PDE6D: variants seen among roughly 807,000 people sequenced by gnomAD.
PDE6D encodes the protein retinal rod rhodopsin-sensitive cGMP 3',5'-cyclic phosphodiesterase subunit delta.
PDE6D carries 10 observed loss-of-function variants against 21.9 expected under a neutral mutation model. The ratio of observed to expected loss-of-function variants is 0.46; its 90% confidence interval spans 0.28 to 0.78. The LOEUF (loss-of-function observed/expected upper bound fraction) is 0.78, where lower values mean the gene tolerates loss of function less well. PDE6D is among the 30% of genes least tolerant of loss of function. The probability of loss-of-function intolerance (pLI) is 0.12; values close to 1 mark genes in which losing one functional copy is unlikely to be tolerated. For missense variants in PDE6D, 139 were observed against 184.8 expected (o/e 0.75, Z 1.44); for synonymous variants, 59 against 63.5 (o/e 0.93, Z 0.34).
chr2:231,775,485 G>GTTTTTTT (rs145491718), intron 1 of PDE6D, among the ~76,000 whole-genome samples: 1 of 140,954 alleles, frequency 7.1e-6, no homozygotes. Flanking sequence ...ATTTTTGTGT[G>GTTTTTTT]TGTTTTTTTT....
At chr2:231,747,273 T>TA (rs1225717134) in intron 1 of PDE6D, among the ~76,000 whole-genome samples, 1 of 152,200 alleles carries the variant, frequency 6.6e-6, no homozygotes, top group Admixed American at 6.5e-5. Context: ...GTATTTTTAG[T>TA]AGAGACGGGG....
At chr2:231,773,347 A>C (rs2049029792) in intron 1 of PDE6D, among the ~76,000 whole-genome samples, 2 of 152,176 alleles carry the variant, frequency 1.3e-5, no homozygotes, top group Non-Finnish European at 1.5e-5. Context: ...ACCAATCACA[A>C]TCTACATGAA....
At position 231,732,840 on chromosome 2, in the gene PDE6D, G is replaced by T; in HGVS notation, c.*112C>A. On this transcript the variant is annotated 3_prime_UTR_variant, in exon 5 of 5. Coordinates refer to ENST00000287600, the MANE Select transcript of PDE6D (RefSeq NM_002601.4). ...GTGGCTGCAGGTAGGTTCTGCTGTT[G>T]AGGGAATTAGGGGTGTATGTGTCAA... 1 of 721,602 alleles carries T rather than the reference G, an allele frequency of 1.4e-6. No homozygotes were observed. 44.7% of individuals were successfully genotyped at this position (721,602 alleles called of 1,614,324 possible). A position where few individuals can be genotyped will look rare whatever the true frequency, so the allele number is the denominator to read the frequency against.
At position 231,781,206 on chromosome 2, in the gene PDE6D, C is replaced by T; in HGVS notation, c.-92G>A. On this transcript the variant is annotated 5_prime_UTR_variant, in exon 1 of 5. Coordinates refer to ENST00000287600, the MANE Select transcript of PDE6D (RefSeq NM_002601.4). Reference sequence around the variant, plus strand: ...AGCCGAGGATGGAGCCGCAGCCCGGCTTGGAGACCTCGGGCTAGCAGCCGC... The same window carrying T: ...AGCCGAGGATGGAGCCGCAGCCCGGTTTGGAGACCTCGGGCTAGCAGCCGC... The T allele has an allele frequency of 7.8e-7, 1 of 1,278,690 alleles. No homozygotes were observed. The highest frequency in any genetic ancestry group is 2.4e-5 in the East Asian group (1 of 41,476). 79.2% of individuals were successfully genotyped at this position (1,278,690 alleles called of 1,614,324 possible).
intron 4 of PDE6D, among the ~76,000 whole-genome samples, chr2:231,736,924 G>A (rs1452230470): frequency 3.3e-5 from 5 of 152,192 alleles, no homozygotes; most frequent in Non-Finnish European, 2.9e-5. Flanking sequence ...GATGACACAG[G>A]TAGTCAGGGT....
intron 1 of PDE6D, among the ~76,000 whole-genome samples, chr2:231,769,374 G>A (rs2048997238): frequency 6.6e-6 from 1 of 152,122 alleles, no homozygotes; most frequent in Non-Finnish European, 1.5e-5. Flanking sequence ...CCTATTTCAT[G>A]AAAATGCTGA....
chr2:231,758,086 TAA>T (rs978085558), intron 1 of PDE6D, among the ~76,000 whole-genome samples: 2 of 152,238 alleles, frequency 1.3e-5, no homozygotes, highest in Non-Finnish European at 2.9e-5. Flanking sequence ...AATGTAATTG[TAA>T]AAGTTTTTTT....
intron 3 of PDE6D, 66 bp from the exon 4 acceptor site, chr2:231,737,358 T>C (rs1472891671): frequency 1.5e-5 from 12 of 819,310 alleles, no homozygotes; most frequent in African/African-American, 1.7e-5. Flanking sequence ...GCTCTTTGTC[T>C]CCCTCTCTAG....
At chr2:231,745,935 T>A (rs2048790427) in intron 1 of PDE6D, among the ~76,000 whole-genome samples, 1 of 152,024 alleles carries the variant, frequency 6.6e-6, no homozygotes, top group Admixed American at 6.6e-5. Context: ...AAGAGATCAG[T>A]TAGATGAACG....
At chr2:231,741,510 C>CAA (rs2048749955) in intron 1 of PDE6D, among the ~76,000 whole-genome samples, 1 of 152,194 alleles carries the variant, frequency 6.6e-6, no homozygotes. Flanking sequence ...GATCCCAAGA[C>CAA]AATAGCTCTT....
intron 1 of PDE6D, among the ~76,000 whole-genome samples, chr2:231,761,530 CT>C (rs1425053465): frequency 1.3e-5 from 2 of 152,178 alleles, no homozygotes; most frequent in Non-Finnish European, 2.9e-5. Context: ...CAGATAAAGT[CT>C]TAACTATTTT....
chr2:231,744,477 C>T (rs1049042506), intron 1 of PDE6D, among the ~76,000 whole-genome samples: 1 of 150,970 alleles, frequency 6.6e-6, no homozygotes, highest in Non-Finnish European at 1.5e-5. Context: ...TCTTGTTGCC[C>T]CGACTGGAGT....
intron 4 of PDE6D, among the ~76,000 whole-genome samples, chr2:231,735,890 T>G (rs1236438306): frequency 6.6e-6 from 1 of 150,898 alleles, no homozygotes; most frequent in Non-Finnish European, 1.5e-5. Context: ...TTAACCGGTG[T>G]GGTGGTGTAT....
At chr2:231,734,465 A>AC (rs1269117098) in intron 4 of PDE6D, among the ~76,000 whole-genome samples, 6 of 146,776 alleles carry the variant, frequency 4.1e-5, no homozygotes, top group African/African-American at 1.5e-4. Flanking sequence ...AAAAAAAAAA[A>AC]CCCCTGCTTT....
intron 4 of PDE6D, among the ~76,000 whole-genome samples, chr2:231,735,434 G>C (rs2048691693): frequency 6.6e-6 from 1 of 150,476 alleles, no homozygotes. Context: ...GAGTAGCTGG[G>C]ACTACAAGCG....
intron 1 of PDE6D, among the ~76,000 whole-genome samples, chr2:231,755,095 T>A (rs1215491113): frequency 1.3e-5 from 2 of 152,072 alleles, no homozygotes; most frequent in African/African-American, 4.8e-5. Context: ...CACATAAGGA[T>A]ACGAGAAAAC....
At chr2:231,750,114 T>C (rs1268167308) in intron 1 of PDE6D, among the ~76,000 whole-genome samples, 2 of 152,152 alleles carry the variant, frequency 1.3e-5, no homozygotes, top group African/African-American at 4.8e-5. Context: ...CTCACGAGAT[T>C]TGATGGGATT....
intron 1 of PDE6D, among the ~76,000 whole-genome samples, chr2:231,762,339 C>CTT (rs3074725): frequency 6.2e-3 from 515 of 83,376 alleles, no homozygotes; most frequent in East Asian, 9.2e-3. Flanking sequence ...AGGACTAACG[C>CTT]TTTTTTTTTT....
At chr2:231,767,953 C>T (rs2048985465) in intron 1 of PDE6D, among the ~76,000 whole-genome samples, 2 of 151,492 alleles carry the variant, frequency 1.3e-5, no homozygotes, top group African/African-American at 2.4e-5. Flanking sequence ...TCAAGTGATA[C>T]TCCTACCTCA....
Sources: allele counts gnomAD v4.1 joint callset (sites outside exome capture counted in the v4.1 genomes callset), GRCh38; gene constraint gnomAD v4.1.1; transcripts MANE v1.5; gene names NCBI Gene and HGNC (gene_info 2026-07-23, HGNC 2026-07-21).